The following LPP variants were observed in gnomAD, a reference collection of about 807,000 sequenced individuals.
LPP encodes lipoma-preferred partner.
LPP carries 38 observed loss-of-function variants against 60.4 expected under a neutral mutation model. That is an observed-to-expected ratio of 0.63 (90% CI 0.49 to 0.83). The LOEUF is 0.83. Among genes scored for constraint, LPP ranks in the 40% least tolerant of loss-of-function variants. The pLI, the probability that LPP is intolerant of heterozygous loss-of-function variation, is 0.00. For synonymous variants in LPP, 328 were observed against 290.8 expected (o/e 1.13, Z -1.30); for missense variants, 902 against 783.6 (o/e 1.15, Z -1.80).
intron 7 of LPP, among the ~76,000 whole-genome samples, chr3:188,634,221 G>A (rs1229735062): frequency 1.3e-5 from 2 of 152,160 alleles, no homozygotes; most frequent in Admixed American, 1.3e-4. Context: ...ATTAACTTTA[G>A]CATTGGAGGG....
At chr3:188,490,913 C>T (rs1270794915) in intron 5 of LPP, among the ~76,000 whole-genome samples, 8 of 151,908 alleles carry the variant, frequency 5.3e-5, no homozygotes, top group African/African-American at 1.5e-4. Flanking sequence ...CACCACCACA[C>T]CTGGCTAATT....
intron 6 of LPP, among the ~76,000 whole-genome samples, chr3:188,574,298 C>T (rs889872575): frequency 6.6e-6 from 1 of 152,172 alleles, no homozygotes; most frequent in African/African-American, 2.4e-5. Flanking sequence ...TTTGAGCTCC[C>T]TGTTTGGATA....
chr3:188,601,879 G>A (rs56035217), intron 6 of LPP, among the ~76,000 whole-genome samples: 29,439 of 151,430 alleles, frequency 0.19, 3,895 homozygotes, highest in East Asian at 0.48. Flanking sequence ...GACCAGCCTG[G>A]ACAACACAGT....
At chr3:188,332,121 A>G (rs935977680) in intron 2 of LPP, among the ~76,000 whole-genome samples, 2 of 152,106 alleles carry the variant, frequency 1.3e-5, no homozygotes, top group African/African-American at 4.8e-5. Context: ...ATATACTCTT[A>G]TAAAAGTTAC....
At chr3:188,778,658 G>A (rs1283557880) in intron 9 of LPP, among the ~76,000 whole-genome samples, 1 of 152,086 alleles carries the variant, frequency 6.6e-6, no homozygotes, top group Non-Finnish European at 1.5e-5. Context: ...AAATGCCAGT[G>A]TACAGAGTGA....
intron 2 of LPP, among the ~76,000 whole-genome samples, chr3:188,239,448 C>G (rs1723066454): frequency 6.6e-6 from 1 of 152,202 alleles, no homozygotes. Flanking sequence ...AAAGGAATCC[C>G]AGGCAAATCA....
intron 5 of LPP, among the ~76,000 whole-genome samples, chr3:188,496,588 T>C (rs1560480263): frequency 6.6e-6 from 1 of 152,228 alleles, no homozygotes; most frequent in African/African-American, 2.4e-5. Context: ...TGGCATTAAC[T>C]GTCCCAGGCA....
intron 1 of LPP, among the ~76,000 whole-genome samples, chr3:188,176,177 G>A (rs1722983086): frequency 1.3e-5 from 2 of 152,086 alleles, no homozygotes; most frequent in African/African-American, 4.8e-5. Context: ...ACTGGGCCCC[G>A]TCTCAGAGGT....
intron 2 of LPP, among the ~76,000 whole-genome samples, chr3:188,297,389 A>G (rs1748296636): frequency 6.6e-6 from 1 of 152,212 alleles, no homozygotes; most frequent in African/African-American, 2.4e-5. Flanking sequence ...AGGGGTAAAG[A>G]CATAAATTCC....
At chr3:188,419,506 C>A (rs1303507274) in intron 4 of LPP, among the ~76,000 whole-genome samples, 3 of 152,158 alleles carry the variant, frequency 2.0e-5, no homozygotes, top group Non-Finnish European at 4.4e-5. Flanking sequence ...TCAGATAGAT[C>A]TGGGTTTCGA....
At chr3:188,474,341 G>A (rs146055343) in intron 4 of LPP, among the ~76,000 whole-genome samples, 11 of 144,278 alleles carry the variant, frequency 7.6e-5, no homozygotes, top group African/African-American at 2.2e-4. Context: ...GGCTGTAATA[G>A]AGCTTCAGCA....
At chr3:188,482,876 GT>G (rs761225067) in intron 4 of LPP, among the ~76,000 whole-genome samples, 1 of 152,108 alleles carries the variant, frequency 6.6e-6, no homozygotes, top group Non-Finnish European at 1.5e-5. Context: ...AAAGTGTGCT[GT>G]CAGACCCAAA....
chr3:188,416,363 G>A (rs979242416), intron 4 of LPP, among the ~76,000 whole-genome samples: 1 of 152,114 alleles, frequency 6.6e-6, no homozygotes. Flanking sequence ...CAATTTTACA[G>A]AATCAAAATA....
At chr3:188,482,966 A>G (rs75358394) in intron 4 of LPP, among the ~76,000 whole-genome samples, 6,017 of 152,244 alleles carry the variant, frequency 0.04, 238 homozygotes, top group Admixed American at 0.1. Context: ...GAATCTCTGG[A>G]TCCAGGACCC....
intron 1 of LPP, among the ~76,000 whole-genome samples, chr3:188,209,608 C>G (rs1425505731): frequency 6.6e-6 from 1 of 152,126 alleles, no homozygotes; most frequent in African/African-American, 2.4e-5. Context: ...AGCCTTGTGT[C>G]CTGGAGACAG....
chr3:188,657,311 C>T (rs1328611809), intron 7 of LPP, among the ~76,000 whole-genome samples: 2 of 116,674 alleles, frequency 1.7e-5, no homozygotes, highest in African/African-American at 6.3e-5. Flanking sequence ...AGTACATTTA[C>T]TACAGTTGTT....
intron 3 of LPP, among the ~76,000 whole-genome samples, chr3:188,404,607 CTTG>C (rs752772148): frequency 9.2e-5 from 14 of 152,112 alleles, no homozygotes; most frequent in South Asian, 2.1e-4. Context: ...AGTCATGCCA[CTTG>C]TTGGTGGTGT....
Position 188,649,305 on chromosome 3 carries a change from A to T in LPP, c.1113+39461A>T, listed in dbSNP as rs1043165903. ...AACTAGGATTATGGTTACATTGTAA[A>T]CACTCAAGCCAAAGAAAAATATATC... On this transcript the variant is annotated intron_variant, in intron 7 of 11. Transcript: ENST00000617246. Among the ~76,000 whole-genome samples, 3 of 152,232 alleles carry T rather than the reference A, an allele frequency of 2.0e-5. No homozygotes were observed. In the East Asian group the frequency reaches 5.8e-4, roughly 29 times the overall value.
At chr3:188,721,758 G>C (rs752101968) in intron 8 of LPP, among the ~76,000 whole-genome samples, 21 of 152,064 alleles carry the variant, frequency 1.4e-4, no homozygotes, top group Non-Finnish European at 1.6e-4. Context: ...TCATGTTCTT[G>C]TGAAGGATCG....
Sources: allele counts gnomAD v4.1 joint callset (sites outside exome capture counted in the v4.1 genomes callset), GRCh38; gene constraint gnomAD v4.1.1; transcripts MANE v1.5; gene names NCBI Gene and HGNC (gene_info 2026-07-23, HGNC 2026-07-21).